PRRC2B: variants seen among roughly 807,000 people sequenced by gnomAD.
PRRC2B encodes protein PRRC2B.
In PRRC2B, 68 loss-of-function variants were observed where a neutral mutation model predicts 242.3. That is an observed-to-expected ratio of 0.28 (90% CI 0.23 to 0.34). The LOEUF (loss-of-function observed/expected upper bound fraction) is 0.34. Among genes scored for constraint, PRRC2B ranks in the 10% least tolerant of loss-of-function variants. The probability of loss-of-function intolerance (pLI) is 1.00; values close to 1 mark genes in which losing one functional copy is unlikely to be tolerated. For missense variants in PRRC2B, 2,835 were observed against 2,954.8 expected (o/e 0.96, Z 0.94); for synonymous variants, 1,228 against 1,173.6 (o/e 1.05, Z -0.95).
At chr9:131,378,535 CCAAGGGCTGTGAGCAG>C (rs1427591512) in intron 1 of PRRC2B, among the ~76,000 whole-genome samples, 1 of 152,100 alleles carries the variant, frequency 6.6e-6, no homozygotes, top group Admixed American at 6.6e-5. Context: ...CAAAAGTTCC[CCAAGGGCTGTGAGCAG>C]CAGCTTTTCC....
chr9:131,458,172 A>T (rs942241125), intron 10 of PRRC2B, among the ~76,000 whole-genome samples: 7 of 151,914 alleles, frequency 4.6e-5, no homozygotes, highest in African/African-American at 1.7e-4. Flanking sequence ...TTATTGTGGC[A>T]CTGTTTAGTA....
chr9:131,450,800 C>G (rs1183013192), intron 9 of PRRC2B, among the ~76,000 whole-genome samples: 2 of 152,022 alleles, frequency 1.3e-5, no homozygotes, highest in Non-Finnish European at 1.5e-5. Flanking sequence ...GTTGGCCAGG[C>G]TGATCTCGAA....
rs1427542190 is a variant in PRRC2B, at chr9:131,496,026, C to T, written c.*152C>T. The T allele has an allele frequency of 4.7e-6, 5 of 1,064,598 alleles. No homozygotes were observed. The highest frequency in any genetic ancestry group is 3.3e-5 in the South Asian group (2 of 61,200). 65.9% of individuals were successfully genotyped at this position (1,064,598 alleles called of 1,614,324 possible). ...CCCTCCTCTCCACTCCCGAAAGCTC[C>T]GTTGTCAACCAGCTTGCACCCGTGG... On this transcript the variant is annotated 3_prime_UTR_variant, in exon 32 of 32. Transcript: ENST00000683519.
In PRRC2B at chr9:131,484,775, C is replaced by A; in HGVS notation, c.5550C>A (p.Ala1850=). ...TCTCCCCAATGTCCTTCCCCACCGC[C>A]GACCTTACTCTGAAGGTAACACCAG... ...IGLSPMSFPT[A]DLTLKMESAR... Residue 1850 remains alanine (A), a synonymous_variant, in exon 24 of 32, where the codon GCC becomes GCA. Transcript: ENST00000683519. The A allele has an allele frequency of 6.2e-7, 1 of 1,610,242 alleles. No homozygotes were observed. The highest frequency in any genetic ancestry group is 8.5e-7 in the Non-Finnish European group (1 of 1,177,882).
rs754077229 is a variant in PRRC2B at position 131,475,523 on chromosome 9, A to G, written c.3394A>G (p.Ser1132Gly). 5.0e-6 allele frequency: 8 copies of G among 1,611,188 alleles called. No homozygotes were observed. Among genetic ancestry groups the G allele is most frequent in the East Asian group, 4.5e-5 (2 of 44,832 alleles). The change falls in exon 16 of 32, where the codon AGT becomes GGT. Residue 1132 changes from serine to glycine, a missense_variant. Ser to Gly is a moderately conservative substitution (Grantham distance 56). Around this residue, in one of 7 missense-constraint regions of PRRC2B, gnomAD observed 1,536 missense variants for 1,483.1 expected, o/e 1.04. Coordinates refer to ENST00000683519, the MANE Select transcript of PRRC2B (RefSeq NM_013318.4). Reference protein sequence around the residue: ...PRAKPRRRVASETHSEGSEYE... With the variant: ...PRAKPRRRVAGETHSEGSEYE... ...AGCCAAGCCCCGACGGAGAGTTGCC[A>G]GTGAGACCCATAGCGAGGGCTCAGA... is the stretch of plus-strand genomic sequence containing the variant.
At chr9:131,447,347 G>C (rs1485962413) in intron 8 of PRRC2B, 141 bp downstream of exon 8, 49 of 1,082,842 alleles carry the variant, frequency 4.5e-5, no homozygotes, top group Non-Finnish European at 6.1e-5. Context: ...CAGGGTGTGT[G>C]GGGTGGTGGC....
At chr9:131,495,588 G>T (rs1045311662) in intron 31 of PRRC2B, among the ~76,000 whole-genome samples, 152 bp from the exon 32 acceptor site, 1 of 152,164 alleles carries the variant, frequency 6.6e-6, no homozygotes, top group Non-Finnish European at 1.5e-5. Flanking sequence ...ACTAGGAGGG[G>T]GGTTTCTAAG....
chr9:131,476,069 C>T lies in PRRC2B; in HGVS notation c.3940C>T (p.Arg1314Trp), dbSNP rs546820518. The T allele has an allele frequency of 3.1e-6, 5 of 1,606,930 alleles. No homozygotes were observed. Among genetic ancestry groups the T allele is most frequent in the African/African-American group, 1.3e-5 (1 of 74,886 alleles). The change falls in exon 16 of 32, where the codon CGG becomes TGG. Residue 1314 changes from arginine (R) to tryptophan (W), a missense_variant. By Grantham distance (101) the Arg-to-Trp change is moderately radical (BLOSUM62 -3). Coordinates refer to ENST00000683519, the MANE Select transcript of PRRC2B (RefSeq NM_013318.4). ...PPRQDKPPRFRRLRQERESLG... is the reference protein window; with the variant it reads ...PPRQDKPPRFWRLRQERESLG... ...ACGCCAAGATAAGCCCCCTCGATTC[C>T]GGCGCCTCCGGCAAGAGCGGGAGTC... is the stretch of plus-strand genomic sequence containing the variant.
intron 1 of PRRC2B, among the ~76,000 whole-genome samples, chr9:131,378,139 T>A (rs909304768): frequency 2.0e-5 from 3 of 151,766 alleles, no homozygotes; most frequent in African/African-American, 7.3e-5. Context: ...TGAAACCCTG[T>A]CTCTACTAAA....
In PRRC2B at chr9:131,459,346, C is replaced by G. The variant is rs7357766; in HGVS notation, c.1394C>G (p.Pro465Arg). Residue 465 changes from proline to arginine, a missense_variant, in exon 11 of 32, where the codon CCT (proline) becomes CGT (arginine). Pro to Arg is a moderately radical substitution (Grantham distance 103). Around this residue, in one of 7 missense-constraint regions of PRRC2B, gnomAD observed 626 missense variants for 685.5 expected, o/e 0.91. Transcript: ENST00000683519. ...AAGCTTCATGGCTGGGCACCAGGCC[C>G]TGACTACCAGGTACCAAGGGCCCTT... ...PRKLHGWAPG[P>R]DYQKSSMGSM... 1.2e-6 allele frequency: 2 copies of G among 1,612,962 alleles called. No individual in the cohort carries two copies. Among genetic ancestry groups the G allele is most frequent in the Middle Eastern group, 3.3e-4 (2 of 6,004 alleles).
chr9:131,465,900 T>C (rs953495241), intron 12 of PRRC2B, among the ~76,000 whole-genome samples: 7 of 152,186 alleles, frequency 4.6e-5, no homozygotes, highest in Non-Finnish European at 7.3e-5. Flanking sequence ...AATTTTTGTA[T>C]TTTTAGTAGA....
chr9:131,478,846 C>T lies in PRRC2B; in HGVS notation c.4758+227C>T, dbSNP rs1403511626. Among the ~76,000 whole-genome samples the T allele has an allele frequency of 5.9e-5, 9 of 152,130 alleles. No homozygotes were observed. In the South Asian group the frequency reaches 1.5e-3, roughly 25 times the overall value. On this transcript the variant is annotated intron_variant, in intron 18 of 31. Coordinates refer to ENST00000683519, the MANE Select transcript of PRRC2B (RefSeq NM_013318.4). Reference sequence around the variant, plus strand: ...ATCACTGTTATGCAGTGGAAGAAACCGAGTCTTGAAGAGGGTGACTTCTCT... The same window carrying T: ...ATCACTGTTATGCAGTGGAAGAAACTGAGTCTTGAAGAGGGTGACTTCTCT...
At chr9:131,429,851 G>C (rs1175246579) in intron 1 of PRRC2B, among the ~76,000 whole-genome samples, 1 of 152,076 alleles carries the variant, frequency 6.6e-6, no homozygotes, top group Non-Finnish European at 1.5e-5. Context: ...AGCAGGTGGG[G>C]GTTGGGGGGG....
At chr9:131,445,585 G>T (rs1350176818) in intron 6 of PRRC2B, among the ~76,000 whole-genome samples, 1 of 152,204 alleles carries the variant, frequency 6.6e-6, no homozygotes, top group East Asian at 1.9e-4. Context: ...CTCCTCATTG[G>T]AGAAGATGAG....
chr9:131,459,642 C>T (rs1469300024), intron 11 of PRRC2B, among the ~76,000 whole-genome samples: 2 of 151,796 alleles, frequency 1.3e-5, no homozygotes, highest in Non-Finnish European at 1.5e-5. Context: ...CACCCTCAAG[C>T]GATCCTCCCA....
intron 13 of PRRC2B, among the ~76,000 whole-genome samples, chr9:131,470,074 C>T (rs535153920): frequency 2.0e-5 from 3 of 152,168 alleles, no homozygotes; most frequent in Admixed American, 1.3e-4. Context: ...AGGGAAGAGG[C>T]GCTTACCTAG....
rs373360996 is a variant in PRRC2B, at chr9:131,487,892, C to G, written c.6021C>G (p.Pro2007=). 35 of 1,613,382 alleles carry G rather than the reference C, an allele frequency of 2.2e-5. No homozygotes were observed. The African/African-American group carries it at 4.3e-4, about 20-fold the overall frequency. ...QVYMHPSLSP[P]STMILSGGTA... ...ACATGCACCCCAGCCTGTCACCGCC[C>G]AGCACCATGATCCTCTCTGGGGGCA... Residue 2007 remains proline (P), a synonymous_variant, in exon 28 of 32, where the codon CCC becomes CCG. Transcript: ENST00000683519. This position sits in a 1 kb window ranked among gnomAD's most constrained non-coding sequence, Gnocchi z 5.3.
chr9:131,469,795 G>A (rs1943490287), intron 13 of PRRC2B, among the ~76,000 whole-genome samples: 1 of 152,220 alleles, frequency 6.6e-6, no homozygotes, highest in African/African-American at 2.4e-5. Context: ...CAAGGGCCTT[G>A]ATTTTGAATA....
At position 131,459,297 on chromosome 9, in the gene PRRC2B, C is replaced by T; in HGVS notation, c.1345C>T (p.Pro449Ser). 1 of 1,613,882 alleles carries T rather than the reference C, an allele frequency of 6.2e-7. No individual in the cohort carries two copies. The highest frequency in any genetic ancestry group is 8.5e-7 in the Non-Finnish European group (1 of 1,179,838). ...VGASRVVRKA[P>S]DPQPPPRKLH... Reference sequence around the variant, plus strand: ...TGCGTCCCGTGTGGTCCGAAAGGCGCCAGACCCTCAGCCACCGCCCAGGAA... The same window carrying T: ...TGCGTCCCGTGTGGTCCGAAAGGCGTCAGACCCTCAGCCACCGCCCAGGAA... Residue 449 changes from proline (P) to serine (S), a missense_variant, in exon 11 of 32, where the codon CCA becomes TCA. Pro to Ser is a moderately conservative substitution (Grantham distance 74). Around this residue, in one of 7 missense-constraint regions of PRRC2B, gnomAD observed 626 missense variants for 685.5 expected, o/e 0.91. Coordinates refer to ENST00000683519, the MANE Select transcript of PRRC2B (RefSeq NM_013318.4).
Sources: allele counts gnomAD v4.1 joint callset (sites outside exome capture counted in the v4.1 genomes callset), GRCh38; gene constraint gnomAD v4.1.1; regional missense constraint gnomAD v4.1.1; non-coding constraint Gnocchi (gnomAD v3.1); transcripts MANE v1.5; gene names NCBI Gene and HGNC (gene_info 2026-07-23, HGNC 2026-07-21).